The following OGDHL variants were observed in gnomAD, a reference collection of about 807,000 sequenced individuals.
OGDHL encodes oxoglutarate dehydrogenase L.
A neutral mutation model predicts 109.6 loss-of-function variants in OGDHL; 79 were observed. The ratio of observed to expected loss-of-function variants is 0.72; its 90% CI spans 0.60 to 0.87. OGDHL has a LOEUF of 0.87. Ranked by LOEUF, OGDHL falls within the 40% of genes least tolerant of loss-of-function variation. The pLI is 0.00. For synonymous variants in OGDHL, 528 were observed against 537.2 expected (o/e 0.98, Z 0.24); for missense variants, 1,275 against 1,362.2 (o/e 0.94, Z 1.01).
At chr10:49,735,979 C>T (rs1841130243) in intron 22 of OGDHL, 44 bp downstream of exon 22, 1 of 1,529,368 alleles carries the variant, frequency 6.5e-7, no homozygotes, top group Non-Finnish European at 8.8e-7. Flanking sequence ...CAGGACAGAG[C>T]CTCAGGGCCG....
rs373974919 is a variant in OGDHL, at chr10:49,742,933, C to G, written c.1907G>C (p.Arg636Pro). 1 of 1,613,866 alleles carries G rather than the reference C, an allele frequency of 6.2e-7. No individual in the cohort carries two copies. The highest frequency in any genetic ancestry group is 1.3e-5 in the African/African-American group (1 of 74,950). ...CTCTGCCAACGCCCAGTCCACCGTC[C>G]GGTTCTTGGTCATGTCCGCACGGCC... is the stretch of plus-strand genomic sequence containing the variant. ...LRGRADMTKN[R>P]TVDWALAEYM... Residue 636 changes from arginine to proline, a missense_variant, in exon 15 of 23, where the codon CGG becomes CCG. Transcript: ENST00000374103.
chr10:49,758,745 C>T lies in OGDHL; in HGVS notation c.-1-152G>A, dbSNP rs1345855779. 6.7e-6 allele frequency: 5 copies of T among 748,826 alleles called. No individual in the cohort carries two copies. In the African/African-American group the frequency reaches 7.0e-5, roughly 10 times the overall value. The allele number at this position is 748,826 out of a possible 1,614,324, so 46.4% of individuals were successfully genotyped here. On this transcript the variant is annotated intron_variant, in intron 1 of 22. Transcript: ENST00000374103. ...GATGAGACTGGGAATGTGACACTCT[C>T]CCAGCCCCCTGGGCTTACTGTCTGG...
rs1249968599 is a variant in OGDHL, at chr10:49,742,172, G to A, written c.2012+656C>T. Among the ~76,000 whole-genome samples the A allele has an allele frequency of 1.1e-4, 10 of 90,246 alleles. No homozygotes were observed. In the East Asian group the frequency reaches 1.2e-3, roughly 11 times the overall value. 59.2% of individuals were successfully genotyped at this position (90,246 alleles called of 152,430 possible). A position where few individuals can be genotyped will look rare whatever the true frequency, so the allele number is the denominator to read the frequency against. On this transcript the variant is annotated intron_variant, in intron 15 of 22. Transcript: ENST00000374103. ...CACACACATCACACACACCATACAC[G>A]CCCCACACACACTATACACACCCCA... is the stretch of plus-strand genomic sequence containing the variant.
chr10:49,749,078 G>A (rs753273996), intron 8 of OGDHL, among the ~76,000 whole-genome samples: 11 of 152,090 alleles, frequency 7.2e-5, no homozygotes, highest in Non-Finnish European at 1.2e-4. Context: ...GCGTGGTGGC[G>A]CATGCCTGTA....
chr10:49,760,511 T>C lies in OGDHL; in HGVS notation c.-2+1728A>G, dbSNP rs552485479. Among the ~76,000 whole-genome samples the C allele has an allele frequency of 5.3e-5, 8 of 152,320 alleles. No individual in the cohort carries two copies. In the South Asian group the frequency reaches 1.7e-3, roughly 32 times the overall value. ...TCCTGAAGCATCAGGGAGAATCTTC[T>C]AGAGCATCAAAAAGAATCCACAACC... On this transcript the variant is annotated intron_variant, in intron 1 of 22. Transcript: ENST00000374103.
chr10:49,736,039 G>A lies in OGDHL; in HGVS notation c.2893C>T (p.Arg965Cys), dbSNP rs374662497. Reference sequence around the variant, plus strand: ...ACCATGTACCATATGGGCCGTGCGCGCCTCAGGATGGTCATGAAGCGTGGG... The same window carrying A: ...ACCATGTACCATATGGGCCGTGCGCACCTCAGGATGGTCATGAAGCGTGGG... ...ISPRFMTILR[R>C]ARPIWYVGRD... The change falls in exon 22 of 23, where the codon CGC becomes TGC. Residue 965 changes from arginine to cysteine, a missense_variant. Arg to Cys is a radical substitution (Grantham distance 180, BLOSUM62 -3). Transcript: ENST00000374103. 1.2e-5 allele frequency: 19 copies of A among 1,590,402 alleles called. No individual in the cohort carries two copies. The highest frequency in any genetic ancestry group is 3.5e-5 in the South Asian group (3 of 86,340).
At chr10:49,761,779 TCATCTGTAATCGGAGAC>T (rs1343958467) in intron 1 of OGDHL, among the ~76,000 whole-genome samples, 1 of 152,158 alleles carries the variant, frequency 6.6e-6, no homozygotes, top group African/African-American at 2.4e-5. Context: ...CTCAGTTTTC[TCATCTGTAATCGGAGAC>T]CGCGGTTAAA....
chr10:49,745,914 C>T lies in OGDHL; in HGVS notation c.1360G>A (p.Val454Met). Residue 454 changes from valine to methionine, a missense_variant, in exon 11 of 23, where the codon GTG becomes ATG. Transcript: ENST00000374103. ...ACATGGAAGATAGGCGCATTGACCA[C>T]CCGGGCCACGTCGGTCGGGTATGGT... ...SSPYPTDVAR[V>M]VNAPIFHVNA... is the part of the protein sequence containing the mutation. 6.2e-7 allele frequency: 1 copy of T among 1,614,228 alleles called. No homozygotes were observed. Among genetic ancestry groups the T allele is most frequent in the East Asian group, 2.2e-5 (1 of 44,882 alleles).
At position 49,756,837 on chromosome 10, in the gene OGDHL, G is replaced by T. The variant is rs142622803; in HGVS notation, c.314C>A (p.Thr105Asn). Residue 105 changes from threonine to asparagine, a missense_variant, in exon 3 of 23, where the codon ACC (threonine) becomes AAC (asparagine). Thr to Asn is a moderately conservative substitution (Grantham distance 65). Coordinates refer to ENST00000374103, the MANE Select transcript of OGDHL (RefSeq NM_018245.3). Reference protein sequence around the residue: ...HESRSAVSSRTKTSKLVEDHL... With the variant: ...HESRSAVSSRNKTSKLVEDHL... ...GTCCTCCACCAATTTGCTGGTCTTGGTCCGACTTGAGACTGCAGACCTGCT... is the reference window on the plus strand; with the variant it reads ...GTCCTCCACCAATTTGCTGGTCTTGTTCCGACTTGAGACTGCAGACCTGCT... 290 of 1,613,944 alleles carry T rather than the reference G, an allele frequency of 1.8e-4. No homozygotes were observed. The highest frequency in any genetic ancestry group is 2.4e-4 in the Non-Finnish European group (279 of 1,179,978).
At chr10:49,735,791 G>GACTA (rs1171270617) in intron 22 of OGDHL, among the ~76,000 whole-genome samples, 2 of 152,214 alleles carry the variant, frequency 1.3e-5, no homozygotes, top group African/African-American at 4.8e-5. Flanking sequence ...AGGCTCCAAG[G>GACTA]ACTACATAAC....
At chr10:49,760,132 T>C (rs1843180226) in intron 1 of OGDHL, among the ~76,000 whole-genome samples, 1 of 152,236 alleles carries the variant, frequency 6.6e-6, no homozygotes, top group Admixed American at 6.5e-5. Context: ...GACAGGCTCC[T>C]GGGGCAACCA....
intron 12 of OGDHL, among the ~76,000 whole-genome samples, chr10:49,745,069 C>A (rs907258494): frequency 6.6e-6 from 1 of 152,218 alleles, no homozygotes; most frequent in Non-Finnish European, 1.5e-5. Flanking sequence ...GGGGACAACC[C>A]CAGCTCAGGG....
chr10:49,737,833 A>G lies in OGDHL; in HGVS notation c.2543T>C (p.Leu848Pro), dbSNP rs150090678. Residue 848 changes from leucine (L) to proline (P), a missense_variant, in exon 20 of 23, where the codon CTG (leucine) becomes CCG (proline). By Grantham distance (98) the Leu-to-Pro change is moderately conservative. Coordinates refer to ENST00000374103, the MANE Select transcript of OGDHL (RefSeq NM_018245.3). ...KPLIIFTPKSLLRHPEAKSSF... is the reference protein window; with the variant it reads ...KPLIIFTPKSPLRHPEAKSSF... ...GGACTTGGCCTCTGGGTGCCTCAGCAGAGATTTAGGTGTGAAGATAATCAG... is the reference window on the plus strand; with the variant it reads ...GGACTTGGCCTCTGGGTGCCTCAGCGGAGATTTAGGTGTGAAGATAATCAG... 2 of 1,614,192 alleles carry G rather than the reference A, an allele frequency of 1.2e-6. No homozygotes were observed. Among genetic ancestry groups the G allele is most frequent in the African/African-American group, 2.7e-5 (2 of 75,072 alleles).
In OGDHL at chr10:49,738,118, C is replaced by T. The variant is rs768188783; in HGVS notation, c.2392-46G>A. The stretch of plus-strand genomic sequence containing the variant: ...TGGCCAGGGTGGCTGTCTGCTGCAC[C>T]CACACCCTGGACCCCTAGCCCTGTG... On this transcript the variant is annotated intron_variant, in intron 18 of 22. Coordinates refer to ENST00000374103, the MANE Select transcript of OGDHL (RefSeq NM_018245.3). The T allele has an allele frequency of 5.0e-6, 8 of 1,613,836 alleles. No individual in the cohort carries two copies. In the East Asian group the frequency reaches 1.3e-4, roughly 27 times the overall value.
chr10:49,751,837 G>T lies in OGDHL; in HGVS notation c.739C>A (p.Arg247Ser), dbSNP rs780288193. 2 of 1,613,632 alleles carry T rather than the reference G, an allele frequency of 1.2e-6. No individual in the cohort carries two copies. Among genetic ancestry groups the T allele is most frequent in the Admixed American group, 3.3e-5 (2 of 60,014 alleles). The change falls in exon 6 of 23, where the codon CGC becomes AGC. Residue 247 changes from arginine (R) to serine (S), a missense_variant. Arg to Ser is a moderately radical substitution (Grantham distance 110). Transcript: ENST00000374103. ...CCAGGTGGTGCCAACCTCATGGAGC[G>T]CACTAGCCGGGCCAGCAGGGTCCGC... ...EKRTLLARLV[R>S]SMRFEDFLAR...
At position 49,753,818 on chromosome 10, in the gene OGDHL, A is replaced by C. The variant is rs548665801; in HGVS notation, c.376-1078T>G. ...GGCAGGAGAATCGCTTGAATCTGGG[A>C]AGTGGAGGCTGCAGTGAGCTGAGGT... On this transcript the variant is annotated intron_variant, in intron 3 of 22. Coordinates refer to ENST00000374103, the MANE Select transcript of OGDHL (RefSeq NM_018245.3). Among the ~76,000 whole-genome samples the C allele has an allele frequency of 2.9e-4, 44 of 149,248 alleles. 1 individual carries two copies. Among genetic ancestry groups the C allele is most frequent in the African/African-American group, 9.9e-4 (40 of 40,302 alleles).
intron 17 of OGDHL, chr10:49,738,633 C>T (rs972922358): frequency 2.7e-5 from 8 of 294,940 alleles, no homozygotes; most frequent in African/African-American, 1.3e-4. Context: ...CCCAAAGTAG[C>T]CCCATGATGC....
At chr10:49,748,008 G>A (rs949589226) in intron 8 of OGDHL, among the ~76,000 whole-genome samples, 3 of 152,020 alleles carry the variant, frequency 2.0e-5, no homozygotes, top group African/African-American at 4.8e-5. Context: ...GAAAGGATTC[G>A]AGAGCGTGTA....
At chr10:49,745,591 C>A in intron 11 of OGDHL, 95 bp from the exon 12 acceptor site, 1 of 1,489,796 alleles carries the variant, frequency 6.7e-7, no homozygotes, top group South Asian at 1.2e-5. Context: ...AGGGCACACC[C>A]ACTGGGAGCC....
Sources: allele counts gnomAD v4.1 joint callset (sites outside exome capture counted in the v4.1 genomes callset), GRCh38; gene constraint gnomAD v4.1.1; transcripts MANE v1.5; gene names NCBI Gene and HGNC (gene_info 2026-07-23, HGNC 2026-07-21).